RPH3AL: variants seen among roughly 807,000 people sequenced by gnomAD.
RPH3AL encodes the protein rabphilin 3A like (without C2 domains).
RPH3AL carries 38 observed loss-of-function variants against 43.1 expected under a neutral mutation model. That is an observed-to-expected ratio of 0.88 (90% CI 0.68 to 1.15). The LOEUF (loss-of-function observed/expected upper bound fraction) is 1.15. RPH3AL is among the 50% of genes most tolerant of loss of function. The pLI is 0.00. For missense variants in RPH3AL, 462 were observed against 423.2 expected, an observed-to-expected ratio of 1.09 and a Z score of -0.81; for synonymous variants, 189 against 176.3, an observed-to-expected ratio of 1.07 and a Z score of -0.57.
chr17:342,433 T>C (rs2045143320), intron 1 of RPH3AL, among the ~76,000 whole-genome samples: 1 of 152,204 alleles, frequency 6.6e-6, no homozygotes, highest in East Asian at 1.9e-4. Flanking sequence ...CCATTCACAA[T>C]AGCCAAAGGG....
At chr17:298,346 G>A (rs200284701) in intron 5 of RPH3AL, among the ~76,000 whole-genome samples, 46 of 152,176 alleles carry the variant, frequency 3.0e-4, no homozygotes, top group East Asian at 1.7e-3. Context: ...AGGTCAGTCC[G>A]TAAAAATACC....
At chr17:241,712 TTTTTTTTTC>T (rs1387250574) in intron 7 of RPH3AL, among the ~76,000 whole-genome samples, 26 of 95,746 alleles carry the variant, frequency 2.7e-4, no homozygotes, top group African/African-American at 7.0e-4. Flanking sequence ...TTTCTTTTTC[TTTTTTTTTC>T]TTTTTTTTTT....
Position 212,790 on chromosome 17 carries a change from C to T in RPH3AL, c.*1062G>A, listed in dbSNP as rs192749046. 3.3e-5 allele frequency: 5 copies of T among 152,036 alleles called. No individual in the cohort carries two copies. The highest frequency in any genetic ancestry group is 2.9e-5 in the Non-Finnish European group (2 of 68,028). 9.4% of individuals were successfully genotyped at this position (152,036 alleles called of 1,614,324 possible). On this transcript the variant is annotated 3_prime_UTR_variant, in exon 10 of 10. Coordinates refer to ENST00000331302, the MANE Select transcript of RPH3AL (RefSeq NM_006987.4). ...TGAAGTATTTTCATGCCAAGCCAAA[C>T]CTCCTGAAGAGAAGTGAATTCATGG...
chr17:351,928 G>A (rs2151740484), intron 1 of RPH3AL, among the ~76,000 whole-genome samples: 1 of 152,324 alleles, frequency 6.6e-6, no homozygotes, highest in Non-Finnish European at 1.5e-5. Flanking sequence ...AGCACCTCGA[G>A]GGACAAGGGT....
At chr17:301,022 T>C (rs2043315879) in intron 5 of RPH3AL, among the ~76,000 whole-genome samples, 1 of 152,258 alleles carries the variant, frequency 6.6e-6, no homozygotes, top group Admixed American at 6.5e-5. Context: ...TATCCAACTA[T>C]TGTCTAGCCA....
intron 7 of RPH3AL, among the ~76,000 whole-genome samples, chr17:240,048 A>AC (rs1451570789): frequency 2.0e-5 from 3 of 152,046 alleles, no homozygotes; most frequent in Non-Finnish European, 1.5e-5. Flanking sequence ...GACCATCCTG[A>AC]CCAACATGGA....
chr17:234,808 G>A (rs2041323892), intron 7 of RPH3AL, among the ~76,000 whole-genome samples: 1 of 152,208 alleles, frequency 6.6e-6, no homozygotes, highest in Non-Finnish European at 1.5e-5. Flanking sequence ...AGTGGGCTGG[G>A]GGTGAGGAGA....
chr17:316,897 C>T (rs2044248314), intron 5 of RPH3AL, among the ~76,000 whole-genome samples: 1 of 151,420 alleles, frequency 6.6e-6, no homozygotes. Flanking sequence ...CCTGTAGTCC[C>T]TGTGCTCCAC....
In RPH3AL at chr17:329,365, A is replaced by G. The variant is rs2044693959; in HGVS notation, c.-36-1786T>C. ...GTGGCGAGTGCCTGTAATCCCAGCT[A>G]CTGAGGAGGCTGAGGCAGGAGAATT... is the stretch of plus-strand genomic sequence containing the variant. On this transcript the variant is annotated intron_variant, in intron 2 of 9. Transcript: ENST00000331302. Among the ~76,000 whole-genome samples, 3 of 152,142 alleles carry G rather than the reference A, an allele frequency of 2.0e-5. No homozygotes were observed. In the South Asian group the frequency reaches 6.2e-4, roughly 32 times the overall value.
At chr17:313,065 G>A (rs540053382) in intron 5 of RPH3AL, among the ~76,000 whole-genome samples, 6 of 152,160 alleles carry the variant, frequency 3.9e-5, no homozygotes, top group South Asian at 2.1e-4. Context: ...TGGACCAAGC[G>A]ACCTCTCATT....
At chr17:281,681 CACCGTCACCCTGACCGTCCACCCAT>C in intron 6 of RPH3AL, 62 bp downstream of exon 6, 2 of 676,924 alleles carry the variant, frequency 3.0e-6, no homozygotes, top group South Asian at 1.9e-5. Context: ...CAGCCCTCCC[CACCGTCACCCTGACCGTCCACCCAT>C]CCCCATCTGA....
chr17:213,728 C>A lies in RPH3AL; in HGVS notation c.*124G>T. ...AGCTGGGGAGGCAGACGGCTCCCAA[C>A]ACTGGTTTGTTGAGTCATGGCCAAC... On this transcript the variant is annotated 3_prime_UTR_variant, in exon 10 of 10. Transcript: ENST00000331302. 1.3e-6 allele frequency: 1 copy of A among 784,716 alleles called. No individual in the cohort carries two copies. Among genetic ancestry groups the A allele is most frequent in the Non-Finnish European group, 2.2e-6 (1 of 458,534 alleles). 48.6% of individuals were successfully genotyped at this position (784,716 alleles called of 1,614,324 possible).
Position 215,612 on chromosome 17 carries a change from G to C in RPH3AL, c.876+42C>G, listed in dbSNP as rs190069133. 3 of 1,255,480 alleles carry C rather than the reference G, an allele frequency of 2.4e-6. No homozygotes were observed. The highest frequency in any genetic ancestry group is 3.0e-6 in the Non-Finnish European group (3 of 995,454). The allele number at this position is 1,255,480 out of a possible 1,614,324, so 77.8% of individuals were successfully genotyped here. ...GGAGTGAGTGAGAGAGGACACGGCC[G>C]CGGGGGCAGGAGAGGGGAGAAGGCA... On this transcript the variant is annotated intron_variant, in intron 9 of 9. Transcript: ENST00000331302. This position sits in a 1 kb window ranked among gnomAD's most constrained non-coding sequence, Gnocchi z 4.1.
chr17:225,626 G>A lies in RPH3AL; in HGVS notation c.614-5890C>T, dbSNP rs867132775. Among the ~76,000 whole-genome samples, 2 of 152,186 alleles carry A rather than the reference G, an allele frequency of 1.3e-5. No individual in the cohort carries two copies. The highest frequency in any genetic ancestry group is 2.1e-4 in the South Asian group (1 of 4,830). On this transcript the variant is annotated intron_variant, in intron 7 of 9. Transcript: ENST00000331302. The surrounding 1 kb of genome is among the most constrained non-coding windows in gnomAD (Gnocchi z 4.4). ...GGGAGCAGGGAGGTGTCCAGCAGGA[G>A]GACAGTCCTGCGGAGGGTGGGGTGG...
rs559257243 is a variant in RPH3AL, at chr17:348,452, A to G, written c.-213+4260T>C. Among the ~76,000 whole-genome samples the G allele has an allele frequency of 9.5e-4, 144 of 152,174 alleles. 1 individual carries two copies. The highest frequency in any genetic ancestry group is 3.3e-3 in the African/African-American group (138 of 41,488). ...ACCTCACCAAAGCAAGATGTTAATC[A>G]TGGGAAATTGAAAGAGGTAAGAGGT... On this transcript the variant is annotated intron_variant, in intron 1 of 9. Coordinates refer to ENST00000331302, the MANE Select transcript of RPH3AL (RefSeq NM_006987.4).
chr17:237,964 C>T (rs11653255), intron 7 of RPH3AL, among the ~76,000 whole-genome samples: 6,801 of 149,544 alleles, frequency 0.045, 207 homozygotes, highest in South Asian at 0.078. Context: ...GCCTGGACAA[C>T]GTGGAATCAC....
At position 246,413 on chromosome 17, in the gene RPH3AL, C is replaced by T. The variant is rs2041766605; in HGVS notation, c.613+698G>A. Among the ~76,000 whole-genome samples the T allele has an allele frequency of 6.6e-6, 1 of 152,214 alleles. No homozygotes were observed. Among genetic ancestry groups the T allele is most frequent in the South Asian group, 2.1e-4 (1 of 4,836 alleles). ...GCCCTTGGATCCCAGCTCGGCCACA[C>T]ACCTGCCGAGGAAGTCCCTCCTCTT... On this transcript the variant is annotated intron_variant, in intron 7 of 9. Coordinates refer to ENST00000331302, the MANE Select transcript of RPH3AL (RefSeq NM_006987.4). The surrounding 1 kb of genome is among the most constrained non-coding windows in gnomAD (Gnocchi z 4.8).
intron 5 of RPH3AL, among the ~76,000 whole-genome samples, chr17:314,622 C>G (rs878912070): frequency 2.5e-5 from 3 of 118,630 alleles, no homozygotes; most frequent in Admixed American, 7.9e-5. Flanking sequence ...TCCCTGTGCC[C>G]CACCTCCATT....
intron 1 of RPH3AL, among the ~76,000 whole-genome samples, chr17:335,063 A>G (rs2044914405): frequency 6.6e-6 from 1 of 152,224 alleles, no homozygotes; most frequent in Admixed American, 6.5e-5. Flanking sequence ...GCTTTCATCC[A>G]GCCACAGGGT....
Sources: allele counts gnomAD v4.1 joint callset (sites outside exome capture counted in the v4.1 genomes callset), GRCh38; gene constraint gnomAD v4.1.1; non-coding constraint Gnocchi (gnomAD v3.1); transcripts MANE v1.5; gene names NCBI Gene and HGNC (gene_info 2026-07-23, HGNC 2026-07-21).